The following DRC11 variants were observed in gnomAD, a reference collection of about 807,000 sequenced individuals.
The protein encoded by DRC11 is dynein regulatory complex subunit 11.
At chr2:236,348,928 C>G in the DRC11 span, among the ~76,000 whole-genome samples, 1 of 152,104 alleles carries the variant, frequency 6.6e-6, no homozygotes, top group African/African-American at 2.4e-5. This position sits in a 1 kb window ranked among gnomAD's most constrained non-coding sequence, Gnocchi z 7.4. Flanking sequence ...AATGCACATC[C>G]AGAGCTCCAG....
chr2:236,376,491 A>C, the DRC11 span, among the ~76,000 whole-genome samples: 2 of 152,220 alleles, frequency 1.3e-5, no homozygotes, highest in Admixed American at 1.3e-4. The surrounding 1 kb of genome is among the most constrained non-coding windows in gnomAD (Gnocchi z 5.7). Flanking sequence ...ATGTAGGAGA[A>C]TGTTGTCATT....
At chr2:236,326,644 T>C in the DRC11 span, among the ~76,000 whole-genome samples, 13 of 152,346 alleles carry the variant, frequency 8.5e-5, no homozygotes, top group African/African-American at 2.9e-4. Flanking sequence ...CATTTCATTT[T>C]TTTCCAAAAT....
the DRC11 span, among the ~76,000 whole-genome samples, chr2:236,352,968 C>CT: frequency 6.6e-6 from 1 of 152,134 alleles, no homozygotes; most frequent in African/African-American, 2.4e-5. The surrounding 1 kb of genome is among the most constrained non-coding windows in gnomAD (Gnocchi z 7.0). Flanking sequence ...ACACTGCCCC[C>CT]CCAGGGGTTC....
At chr2:236,320,749 A>T in the DRC11 span, among the ~76,000 whole-genome samples, 1 of 152,144 alleles carries the variant, frequency 6.6e-6, no homozygotes, top group Non-Finnish European at 1.5e-5. Context: ...AGAGGAGCTA[A>T]TTGTCACATA....
the DRC11 span, among the ~76,000 whole-genome samples, chr2:236,330,951 G>GA: frequency 6.6e-6 from 1 of 152,136 alleles, no homozygotes; most frequent in Non-Finnish European, 1.5e-5. This position sits in a 1 kb window ranked among gnomAD's most constrained non-coding sequence, Gnocchi z 5.5. Flanking sequence ...AACTGAAACT[G>GA]AAAAACAAAG....
the DRC11 span, among the ~76,000 whole-genome samples, chr2:236,325,241 A>T: frequency 2.0e-5 from 3 of 152,212 alleles, no homozygotes; most frequent in East Asian, 5.8e-4. The surrounding 1 kb of genome is among the most constrained non-coding windows in gnomAD (Gnocchi z 4.4). Context: ...TAGTGATTGT[A>T]ACTGGCCCCA....
the DRC11 span, among the ~76,000 whole-genome samples, chr2:236,503,021 C>T: frequency 6.6e-6 from 1 of 152,040 alleles, no homozygotes; most frequent in Non-Finnish European, 1.5e-5. This position sits in a 1 kb window ranked among gnomAD's most constrained non-coding sequence, Gnocchi z 4.9. Context: ...TTTAATATGG[C>T]CAAGAATTCA....
chr2:236,335,822 T>C, the DRC11 span, among the ~76,000 whole-genome samples: 21 of 151,746 alleles, frequency 1.4e-4, no homozygotes, highest in Non-Finnish European at 2.7e-4. This position sits in a 1 kb window ranked among gnomAD's most constrained non-coding sequence, Gnocchi z 5.6. Flanking sequence ...AGGCCAGGGG[T>C]GTGGAACCCC....
At chr2:236,342,103 G>C in the DRC11 span, among the ~76,000 whole-genome samples, 1 of 152,192 alleles carries the variant, frequency 6.6e-6, no homozygotes. The surrounding 1 kb of genome is among the most constrained non-coding windows in gnomAD (Gnocchi z 5.8). Flanking sequence ...CTCACCCAAA[G>C]GCAGAGGGGC....
chr2:236,335,811 A>G, the DRC11 span, among the ~76,000 whole-genome samples: 171 of 152,328 alleles, frequency 1.1e-3, no homozygotes, highest in Non-Finnish European at 1.2e-3. This position sits in a 1 kb window ranked among gnomAD's most constrained non-coding sequence, Gnocchi z 5.6. Context: ...TAGTCCTGCT[A>G]AGGCCAGGGG....
At chr2:236,354,193 TGTG>T in the DRC11 span, among the ~76,000 whole-genome samples, 1 of 150,302 alleles carries the variant, frequency 6.7e-6, no homozygotes, top group Non-Finnish European at 1.5e-5. Flanking sequence ...CTGTGGTCAA[TGTG>T]TGTGTGTGTC....
chr2:236,382,624 A>G, the DRC11 span, among the ~76,000 whole-genome samples: 1 of 152,112 alleles, frequency 6.6e-6, no homozygotes, highest in Admixed American at 6.5e-5. Flanking sequence ...CTTTACTGGC[A>G]TTGTGCAGTT....
At chr2:236,354,352 T>TATTAGTGTGCATGTGTGTGTGG in the DRC11 span, among the ~76,000 whole-genome samples, 3 of 151,842 alleles carry the variant, frequency 2.0e-5, no homozygotes, top group Admixed American at 6.6e-5. Context: ...TGTGTGTGTG[T>TATTAGTGTGCATGTGTGTGTGG]GGGGGGCAGG....
At chr2:236,493,640 A>G in the DRC11 span, 5 of 718,518 alleles carry the variant, frequency 7.0e-6, no homozygotes, top group Non-Finnish European at 8.8e-6. Flanking sequence ...TATGTACTGT[A>G]TAACGAGGGA....
chr2:236,408,950 G>A, the DRC11 span: 368 of 703,882 alleles, frequency 5.2e-4, 3 homozygotes, highest in South Asian at 4.8e-3. This position sits in a 1 kb window ranked among gnomAD's most constrained non-coding sequence, Gnocchi z 5.5. Flanking sequence ...GGAAGGCTGC[G>A]AAGTGGACCG....
chr2:236,348,749 A>G, the DRC11 span, among the ~76,000 whole-genome samples: 239 of 152,248 alleles, frequency 1.6e-3, 2 homozygotes, highest in African/African-American at 5.6e-3. This position sits in a 1 kb window ranked among gnomAD's most constrained non-coding sequence, Gnocchi z 7.4. Flanking sequence ...AAGAGCAGAC[A>G]TGGTCAGGAA....
the DRC11 span, among the ~76,000 whole-genome samples, chr2:236,357,237 AT>A: frequency 0.042 from 5,000 of 117,856 alleles, 427 homozygotes; most frequent in African/African-American, 0.17. Flanking sequence ...ATAAATGTAT[AT>A]TCATATAGTA....
At chr2:236,371,542 G>A in the DRC11 span, among the ~76,000 whole-genome samples, 1 of 152,182 alleles carries the variant, frequency 6.6e-6, no homozygotes, top group South Asian at 2.1e-4. The surrounding 1 kb of genome is among the most constrained non-coding windows in gnomAD (Gnocchi z 5.1). Context: ...AAGGTAGGAA[G>A]TCTGCAATGC....
At chr2:236,424,361 C>T in the DRC11 span, among the ~76,000 whole-genome samples, 41 of 152,204 alleles carry the variant, frequency 2.7e-4, no homozygotes, top group Non-Finnish European at 4.6e-4. Context: ...TATTTCATCT[C>T]TCTCCTTTTA....
Sources: allele counts gnomAD v4.1 joint callset (sites outside exome capture counted in the v4.1 genomes callset), GRCh38; gene constraint gnomAD v4.1.1; non-coding constraint Gnocchi (gnomAD v3.1); transcripts MANE v1.5; gene names NCBI Gene and HGNC (gene_info 2026-07-23, HGNC 2026-07-21).